The following TAF2 variants were observed in gnomAD, a reference collection of about 807,000 sequenced individuals.
TAF2 encodes TATA-box binding protein associated factor 2.
In TAF2, 61 loss-of-function variants were observed where a neutral mutation model predicts 138.5. The observed-to-expected ratio is 0.44, with a 90% CI of 0.36 to 0.54. The LOEUF (loss-of-function observed/expected upper bound fraction) is 0.54, where lower values mean the gene tolerates loss of function less well. Among genes scored for constraint, TAF2 ranks in the 20% least tolerant of loss-of-function variants. TAF2 has a pLI of 0.00. For missense variants in TAF2, 1,090 were observed against 1,427.9 expected, an observed-to-expected ratio of 0.76 and a Z score of 3.81; for synonymous variants, 475 against 469.9, an observed-to-expected ratio of 1.01 and a Z score of -0.14.
chr8:119,785,173 A>G (rs1207055936), intron 15 of TAF2, 28 bp downstream of exon 15: 2 of 1,571,136 alleles, frequency 1.3e-6, no homozygotes, highest in East Asian at 4.5e-5. Context: ...AAAGTATTAT[A>G]ACCTTATATT....
intron 18 of TAF2, among the ~76,000 whole-genome samples, chr8:119,777,312 A>G (rs1822321747): frequency 6.6e-6 from 1 of 152,166 alleles, no homozygotes; most frequent in Non-Finnish European, 1.5e-5. Flanking sequence ...TGTATCAATT[A>G]TCACATGTGA....
chr8:119,800,502 T>C (rs569070037), intron 6 of TAF2, among the ~76,000 whole-genome samples: 2 of 152,332 alleles, frequency 1.3e-5, no homozygotes, highest in South Asian at 2.1e-4. Flanking sequence ...CATTGGTCTA[T>C]ATCTCTGTTT....
At position 119,742,539 on chromosome 8, in the gene TAF2, C is replaced by G; in HGVS notation, c.3332G>C (p.Gly1111Ala). The G allele has an allele frequency of 6.2e-7, 1 of 1,613,782 alleles. No homozygotes were observed. The highest frequency in any genetic ancestry group is 8.5e-7 in the Non-Finnish European group (1 of 1,179,890). ...PQWSLELARK[G>A]TGKEQAPLEM... is the part of the protein sequence containing the mutation. ...TTCTGATTAATTATTTTTACCTGTT[C>G]CCTTCCGTGCAAGTTCCAAACTCCA... is the stretch of plus-strand genomic sequence containing the variant. Residue 1111 changes from glycine to alanine, a missense_variant, in exon 25 of 26, where the codon GGA (glycine) becomes GCA (alanine). By Grantham distance (60) the Gly-to-Ala change is moderately conservative. This residue lies in a region of TAF2 where 580 missense variants were observed against 719.6 expected (regional missense o/e 0.81). Transcript: ENST00000378164.
chr8:119,780,940 A>C, intron 17 of TAF2, 113 bp downstream of exon 17: 1 of 1,147,264 alleles, frequency 8.7e-7, no homozygotes, highest in Non-Finnish European at 1.2e-6. Context: ...GTCTCAAAAA[A>C]AAAAAAAAAA....
At chr8:119,748,171 G>A (rs1820111306) in intron 22 of TAF2, among the ~76,000 whole-genome samples, 1 of 150,580 alleles carries the variant, frequency 6.6e-6, no homozygotes, top group African/African-American at 2.4e-5. Flanking sequence ...GGGAGGGAAG[G>A]CCCTTAAATA....
At chr8:119,819,310 T>G in intron 3 of TAF2, 36 bp downstream of exon 3, 2 of 1,600,504 alleles carry the variant, frequency 1.2e-6, no homozygotes, top group Non-Finnish European at 1.7e-6. Flanking sequence ...TTTTCAAAAC[T>G]GTTAAAAATA....
intron 11 of TAF2, among the ~76,000 whole-genome samples, chr8:119,790,098 T>C (rs970615861): frequency 3.3e-5 from 5 of 152,286 alleles, no homozygotes; most frequent in African/African-American, 1.2e-4. Context: ...ACTCCAAAGC[T>C]TGAGTGGCTC....
chr8:119,739,368 G>C (rs1358161021), intron 25 of TAF2, among the ~76,000 whole-genome samples: 1 of 152,052 alleles, frequency 6.6e-6, no homozygotes, highest in African/African-American at 2.4e-5. Flanking sequence ...TCAGGAAAAG[G>C]AAAATAAATA....
intron 3 of TAF2, among the ~76,000 whole-genome samples, chr8:119,815,008 G>A (rs970475192): frequency 1.8e-4 from 27 of 151,718 alleles, no homozygotes; most frequent in African/African-American, 5.3e-4. Context: ...TTGGGAGGCC[G>A]AGGCAGGCAT....
At chr8:119,817,244 G>A (rs1825537217) in intron 3 of TAF2, among the ~76,000 whole-genome samples, 1 of 152,026 alleles carries the variant, frequency 6.6e-6, no homozygotes, top group South Asian at 2.1e-4. Flanking sequence ...ATACAGGTCT[G>A]TGGCCTGTTA....
At chr8:119,781,026 A>G in intron 17 of TAF2, 27 bp downstream of exon 17, 1 of 1,604,816 alleles carries the variant, frequency 6.2e-7, no homozygotes, top group Non-Finnish European at 8.5e-7. Context: ...TATAAAAACC[A>G]TGAGAAAATT....
intron 18 of TAF2, among the ~76,000 whole-genome samples, chr8:119,764,061 G>T (rs1435061657): frequency 6.8e-6 from 1 of 147,352 alleles, no homozygotes; most frequent in Non-Finnish European, 1.5e-5. Flanking sequence ...AAGCAGAACT[G>T]CTTGAATCTG....
chr8:119,764,933 A>G (rs1475348028), intron 18 of TAF2, among the ~76,000 whole-genome samples: 2 of 152,226 alleles, frequency 1.3e-5, no homozygotes, highest in Admixed American at 1.3e-4. Context: ...GAATCTTACC[A>G]AAATGTCTTT....
chr8:119,794,929 C>T (rs977090264), intron 9 of TAF2, among the ~76,000 whole-genome samples: 5 of 151,828 alleles, frequency 3.3e-5, no homozygotes, highest in African/African-American at 9.7e-5. Flanking sequence ...AATTCTTCCA[C>T]CTGAGAAGGA....
Position 119,797,153 on chromosome 8 carries a change from T to C in TAF2, c.978-50A>G, listed in dbSNP as rs116721734. The C allele has an allele frequency of 1.9e-3, 2,363 of 1,251,516 alleles. 31 individuals carry two copies. In the African/African-American group the frequency reaches 0.031, roughly 17 times the overall value. 77.5% of individuals were successfully genotyped at this position (1,251,516 alleles called of 1,614,324 possible). On this transcript the variant is annotated intron_variant, in intron 7 of 25. Transcript: ENST00000378164. ...TCATTATAACCAAGAAATAAATACT[T>C]ATTCAGTGAAAATAAAATAATTCCA...
chr8:119,807,961 A>G (rs1586499747), intron 3 of TAF2, among the ~76,000 whole-genome samples: 1 of 152,258 alleles, frequency 6.6e-6, no homozygotes, highest in South Asian at 2.1e-4. Context: ...CAAGTTCCAC[A>G]TATTCTACGG....
At chr8:119,779,038 A>T (rs1822458199) in intron 17 of TAF2, among the ~76,000 whole-genome samples, 1 of 152,146 alleles carries the variant, frequency 6.6e-6, no homozygotes, top group South Asian at 2.1e-4. Context: ...GTACTATAGG[A>T]ACAACTGAGG....
chr8:119,804,375 T>C (rs554562224), intron 4 of TAF2, among the ~76,000 whole-genome samples: 1 of 152,276 alleles, frequency 6.6e-6, no homozygotes, highest in East Asian at 1.9e-4. Flanking sequence ...ACCCCAAACT[T>C]ACTGATATAG....
intron 3 of TAF2, among the ~76,000 whole-genome samples, chr8:119,809,417 C>T (rs1824882958): frequency 6.6e-6 from 1 of 152,174 alleles, no homozygotes; most frequent in Admixed American, 6.5e-5. Flanking sequence ...ACCTACTCCA[C>T]ATCAGCAATA....
Sources: gnomAD v4.1 joint callset for allele counts (sites outside exome capture counted in the v4.1 genomes callset) on GRCh38, gnomAD v4.1.1 for gene constraint, gnomAD v4.1.1 regional missense constraint, MANE v1.5 for transcripts, NCBI Gene and HGNC (gene_info 2026-07-23, HGNC 2026-07-21) for gene names.